VPS8: variants seen among roughly 807,000 people sequenced by gnomAD.
VPS8 encodes vacuolar protein sorting-associated protein 8 homolog.
In VPS8, 129 loss-of-function variants were observed where a neutral mutation model predicts 216.4. That is an observed-to-expected ratio of 0.60 (90% CI 0.52 to 0.69). The LOEUF (loss-of-function observed/expected upper bound fraction) is 0.69. Among genes scored for constraint, VPS8 ranks in the 30% least tolerant of loss-of-function variants. The pLI, the probability that VPS8 is intolerant of heterozygous loss-of-function variation, is 0.00. For synonymous variants in VPS8, 571 were observed against 565.4 expected (o/e 1.01, Z -0.14); for missense variants, 1,531 against 1,683.5 (o/e 0.91, Z 1.59).
intron 25 of VPS8, among the ~76,000 whole-genome samples, chr3:184,907,441 A>T (rs1334125244): frequency 2.0e-5 from 3 of 152,130 alleles, no homozygotes; most frequent in African/African-American, 7.2e-5. Flanking sequence ...CTTTGTAGCT[A>T]TCTTATTTAG....
At chr3:184,989,429 C>CT (rs951215454) in intron 42 of VPS8, among the ~76,000 whole-genome samples, 39 of 148,434 alleles carry the variant, frequency 2.6e-4, no homozygotes, top group East Asian at 9.8e-4. Context: ...TTTTTCTTGT[C>CT]TTTTTTTTTT....
chr3:184,832,539 A>G (rs1294164998), intron 3 of VPS8, 150 bp from the exon 4 acceptor site: 4 of 673,880 alleles, frequency 5.9e-6, no homozygotes, highest in East Asian at 2.9e-5. Context: ...GTAATTCTGT[A>G]TGGTTTCTTT....
chr3:184,901,336 T>C (rs549880512), intron 25 of VPS8: 3 of 190,266 alleles, frequency 1.6e-5, no homozygotes, highest in Middle Eastern at 2.1e-3. Flanking sequence ...TTTATGTATA[T>C]TAATATTTTG....
chr3:184,920,269 G>T, intron 29 of VPS8, 71 bp downstream of exon 29: 3 of 1,020,458 alleles, frequency 2.9e-6, no homozygotes, highest in South Asian at 2.3e-5. Context: ...TTTATAGCAG[G>T]TTATAAAATA....
Position 185,048,241 on chromosome 3 carries a change from A to G in VPS8, c.4057-238A>G, listed in dbSNP as rs114318056. On this transcript the variant is annotated intron_variant, in intron 46 of 47. Coordinates refer to ENST00000625842, the MANE Select transcript of VPS8 (RefSeq NM_001009921.3). ...ACCTATACATACGGGACATTTGGAG[A>G]CTCCATTGGGAAAAGGGTCCACAGA... Among the ~76,000 whole-genome samples the G allele has an allele frequency of 4.4e-3, 662 of 152,142 alleles. 7 individuals carry two copies. The highest frequency in any genetic ancestry group is 0.015 in the African/African-American group (621 of 41,480).
Position 184,999,738 on chromosome 3 carries a change from A to G in VPS8, c.3879A>G (p.Glu1293=). The change falls in exon 45 of 48, where the codon GAA becomes GAG. Residue 1293 remains glutamate (E), a synonymous_variant. Transcript: ENST00000625842. The part of the protein sequence containing the change: ...LYHSFCLQNK[E]CTVEFEGQTR... ...ACTCATTCTGCCTACAAAACAAAGA[A>G]TGCACTGTGGAATTTGAGGGCCAAA... 6.2e-7 allele frequency: 1 copy of G among 1,613,526 alleles called. No homozygotes were observed. The highest frequency in any genetic ancestry group is 1.1e-5 in the South Asian group (1 of 90,892).
intron 9 of VPS8, chr3:184,849,482 C>T (rs948255771): frequency 2.7e-5 from 7 of 262,836 alleles, no homozygotes; most frequent in Non-Finnish European, 4.3e-5. Flanking sequence ...TCCTTACAGT[C>T]GTGTAAATAA....
At chr3:184,879,484 C>A (rs1729895778) in intron 21 of VPS8, among the ~76,000 whole-genome samples, 1 of 151,938 alleles carries the variant, frequency 6.6e-6, no homozygotes, top group Non-Finnish European at 1.5e-5. Flanking sequence ...TCTCGAAAGC[C>A]CTTAATCTGT....
At chr3:184,825,356 T>G (rs1334607143) in intron 2 of VPS8, among the ~76,000 whole-genome samples, 2 of 152,114 alleles carry the variant, frequency 1.3e-5, no homozygotes, top group Non-Finnish European at 2.9e-5. Context: ...TGGTAGTTCC[T>G]TATCTTGCAC....
At chr3:184,996,581 C>G (rs182344530) in intron 44 of VPS8, 80 bp downstream of exon 44, 16 of 1,458,782 alleles carry the variant, frequency 1.1e-5, no homozygotes, top group African/African-American at 1.4e-5. Flanking sequence ...CATGGATACA[C>G]GGGTAGTCAT....
chr3:184,841,692 C>T (rs1429930901), intron 7 of VPS8, among the ~76,000 whole-genome samples: 1 of 152,106 alleles, frequency 6.6e-6, no homozygotes, highest in Admixed American at 6.5e-5. Flanking sequence ...GAATGGTGGT[C>T]TTCCTGTGGG....
chr3:184,880,215 A>G (rs1730033894), intron 21 of VPS8, among the ~76,000 whole-genome samples: 1 of 152,180 alleles, frequency 6.6e-6, no homozygotes, highest in Non-Finnish European at 1.5e-5. Flanking sequence ...GTACAGTCGC[A>G]TAACCAGGAT....
At chr3:184,987,227 C>T (rs982672032) in intron 42 of VPS8, among the ~76,000 whole-genome samples, 3 of 152,144 alleles carry the variant, frequency 2.0e-5, no homozygotes, top group African/African-American at 4.8e-5. Context: ...GATTCTCATG[C>T]GTCAGCCTCC....
At chr3:184,894,180 G>C (rs1222945964) in intron 22 of VPS8, among the ~76,000 whole-genome samples, 1 of 152,018 alleles carries the variant, frequency 6.6e-6, no homozygotes, top group Non-Finnish European at 1.5e-5. Flanking sequence ...GTTATAGCTA[G>C]ACAAAGAAGC....
rs1017096777 is a variant in VPS8, at chr3:185,040,530, C to T, written c.4057-7949C>T. Among the ~76,000 whole-genome samples, 4 of 152,070 alleles carry T rather than the reference C, an allele frequency of 2.6e-5. 1 individual carries two copies. In the South Asian group the frequency reaches 8.3e-4, roughly 31 times the overall value. Reference sequence around the variant, plus strand: ...TGGTCTCTTGTCCAGGCAGAACATCCACAATCCATTTCCTCTATCTACTCC... The same window carrying T: ...TGGTCTCTTGTCCAGGCAGAACATCTACAATCCATTTCCTCTATCTACTCC... On this transcript the variant is annotated intron_variant, in intron 46 of 47. Transcript: ENST00000625842.
chr3:184,856,692 A>T (rs984988305), intron 14 of VPS8, among the ~76,000 whole-genome samples: 1 of 152,066 alleles, frequency 6.6e-6, no homozygotes, highest in African/African-American at 2.4e-5. Flanking sequence ...AATCATGTAC[A>T]TGTCTAGCCT....
intron 26 of VPS8, among the ~76,000 whole-genome samples, chr3:184,914,699 C>T (rs2109083244): frequency 6.6e-6 from 1 of 152,260 alleles, no homozygotes; most frequent in South Asian, 2.1e-4. Context: ...GTCCTCATTC[C>T]TTCTTGCCCC....
chr3:185,041,999 C>T (rs925092588), intron 46 of VPS8, among the ~76,000 whole-genome samples: 6 of 152,166 alleles, frequency 3.9e-5, no homozygotes, highest in Admixed American at 2.6e-4. Flanking sequence ...GTGCAGTCTG[C>T]TGGGGCTGAC....
At chr3:184,952,355 C>T (rs1418446399) in intron 36 of VPS8, among the ~76,000 whole-genome samples, 1 of 152,188 alleles carries the variant, frequency 6.6e-6, no homozygotes, top group Non-Finnish European at 1.5e-5. Context: ...GGGTAGCCTA[C>T]AATTTCACTC....
Sources: gnomAD v4.1 joint callset for allele counts (sites outside exome capture counted in the v4.1 genomes callset) on GRCh38, gnomAD v4.1.1 for gene constraint, MANE v1.5 for transcripts, NCBI Gene and HGNC (gene_info 2026-07-23, HGNC 2026-07-21) for gene names.